Variants in NRXN3 observed in about 807,000 individuals in gnomAD.
NRXN3 encodes neurexin 3.
A neutral mutation model predicts 137.6 loss-of-function variants in NRXN3; 32 were observed. The observed-to-expected ratio is 0.23, with a 90% CI of 0.18 to 0.31. NRXN3 has a LOEUF of 0.31. Among genes scored for constraint, NRXN3 ranks in the 10% least tolerant of loss-of-function variants. NRXN3 has a pLI of 1.00. For synonymous variants in NRXN3, 798 were observed against 784.5 expected (o/e 1.02, Z -0.29); for missense variants, 1,574 against 2,062.5 (o/e 0.76, Z 4.59).
At chr14:79,540,387 G>A (rs376076350) in intron 16 of NRXN3, among the ~76,000 whole-genome samples, 6 of 152,062 alleles carry the variant, frequency 3.9e-5, no homozygotes, top group South Asian at 2.1e-4. Context: ...TGTGTTTAGC[G>A]TATTCATCAC....
At chr14:79,487,786 G>A (rs559266598) in intron 16 of NRXN3, among the ~76,000 whole-genome samples, 18 of 152,076 alleles carry the variant, frequency 1.2e-4, no homozygotes, top group Non-Finnish European at 2.4e-4. Flanking sequence ...TCCAGCTTTC[G>A]GTATCAGGGA....
intron 19 of NRXN3, among the ~76,000 whole-genome samples, chr14:79,748,150 C>T (rs1319712003): frequency 1.3e-5 from 2 of 151,840 alleles, no homozygotes; most frequent in Non-Finnish European, 2.9e-5. Flanking sequence ...ACTTGTTTAC[C>T]TACGTAACAA....
chr14:78,725,903 A>T (rs2152883462), intron 8 of NRXN3, among the ~76,000 whole-genome samples: 1 of 152,336 alleles, frequency 6.6e-6, no homozygotes, highest in South Asian at 2.1e-4. Context: ...CAATAACTAC[A>T]TAAGATATGT....
chr14:78,576,779 G>A (rs148509680), intron 4 of NRXN3, among the ~76,000 whole-genome samples: 3 of 152,152 alleles, frequency 2.0e-5, no homozygotes, highest in Admixed American at 1.3e-4. Context: ...CAAAGGGAAG[G>A]GTGAAAACTT....
rs887098933 is a variant in NRXN3 at position 79,574,985 on chromosome 14, A to G, written c.3445-88793A>G. Among the ~76,000 whole-genome samples the G allele has an allele frequency of 6.6e-5, 10 of 152,176 alleles. No individual in the cohort carries two copies. In the East Asian group the frequency reaches 1.7e-3, roughly 26 times the overall value. ...AATGGATTATACAGCACGTGTCACC[A>G]CTGCATTCTCTTTTTTATGTTGTTC... On this transcript the variant is annotated intron_variant, in intron 16 of 20. Coordinates refer to ENST00000335750, the MANE Select transcript of NRXN3 (RefSeq NM_001330195.2).
chr14:78,527,775 C>T (rs1215358129), intron 4 of NRXN3, among the ~76,000 whole-genome samples: 4 of 152,166 alleles, frequency 2.6e-5, no homozygotes, highest in Non-Finnish European at 5.9e-5. Flanking sequence ...CTAATAGTGA[C>T]TGTGTTGATT....
chr14:78,742,543 T>C (rs2098582698), intron 8 of NRXN3, among the ~76,000 whole-genome samples: 1 of 152,196 alleles, frequency 6.6e-6, no homozygotes, highest in African/African-American at 2.4e-5. Context: ...TTAAAGAGTG[T>C]TTCTATTAGC....
intron 15 of NRXN3, among the ~76,000 whole-genome samples, chr14:79,426,240 A>G (rs1381225240): frequency 2.0e-5 from 3 of 152,190 alleles, no homozygotes; most frequent in Non-Finnish European, 4.4e-5. Context: ...GGCCAGCTGC[A>G]GCGCTACCAT....
At chr14:78,740,211 A>G (rs1300710731) in intron 8 of NRXN3, among the ~76,000 whole-genome samples, 1 of 152,126 alleles carries the variant, frequency 6.6e-6, no homozygotes, top group Non-Finnish European at 1.5e-5. Context: ...TTGCTTTTCT[A>G]TTAGAAACCA....
chr14:78,840,765 C>T (rs1195087132), intron 10 of NRXN3, among the ~76,000 whole-genome samples: 6 of 152,066 alleles, frequency 3.9e-5, no homozygotes, highest in South Asian at 2.1e-4. Flanking sequence ...GCAAGCCACA[C>T]GGTAATGCAT....
intron 15 of NRXN3, among the ~76,000 whole-genome samples, chr14:79,145,866 T>G (rs1210936074): frequency 6.6e-6 from 1 of 152,166 alleles, no homozygotes; most frequent in African/African-American, 2.4e-5. Flanking sequence ...ACATCCAAGA[T>G]TTATTAATAC....
chr14:78,271,022 A>G (rs1474737277), intron 2 of NRXN3, among the ~76,000 whole-genome samples: 2 of 152,196 alleles, frequency 1.3e-5, no homozygotes, highest in Non-Finnish European at 2.9e-5. Context: ...CCCACCCCAC[A>G]AATGATGTTT....
chr14:79,562,650 A>T (rs1489531147), intron 16 of NRXN3, among the ~76,000 whole-genome samples: 2 of 152,224 alleles, frequency 1.3e-5, no homozygotes, highest in African/African-American at 4.8e-5. Context: ...ACTGATTTCC[A>T]TGTAAATATC....
intron 15 of NRXN3, among the ~76,000 whole-genome samples, chr14:79,091,370 A>G (rs1387561024): frequency 6.6e-6 from 1 of 152,184 alleles, no homozygotes; most frequent in African/African-American, 2.4e-5. Flanking sequence ...ACCTGTATGT[A>G]AAAATCAAGA....
Position 78,398,367 on chromosome 14 carries a change from T to C in NRXN3, c.757+100507T>C, listed in dbSNP as rs371568436. 3.7e-4 allele frequency among the ~76,000 whole-genome samples: 57 copies of C among 152,284 alleles called. No homozygotes were observed. In the South Asian group the frequency reaches 0.011, roughly 30 times the overall value. On this transcript the variant is annotated intron_variant, in intron 4 of 20. Coordinates refer to ENST00000335750, the MANE Select transcript of NRXN3 (RefSeq NM_001330195.2). ...GAAACCTGGACACTTTGGTTATTAT[T>C]TTGAGACTCTGGGTCTTATTTAAAC...
intron 16 of NRXN3, among the ~76,000 whole-genome samples, chr14:79,638,178 C>T (rs1482796115): frequency 2.0e-5 from 3 of 152,170 alleles, no homozygotes; most frequent in Non-Finnish European, 2.9e-5. Context: ...TGGTTTATAA[C>T]ATGCTGTAAG....
chr14:78,316,632 A>G lies in NRXN3; in HGVS notation c.757+18772A>G, dbSNP rs117675880. Among the ~76,000 whole-genome samples the G allele has an allele frequency of 4.7e-4, 72 of 152,336 alleles. 1 individual carries two copies. In the East Asian group the frequency reaches 0.014, roughly 29 times the overall value. On this transcript the variant is annotated intron_variant, in intron 4 of 20. Coordinates refer to ENST00000335750, the MANE Select transcript of NRXN3 (RefSeq NM_001330195.2). ...GTGAGACATTCCCTTTCTTCCCAGC[A>G]GAGAATGATTTATTTATTTGATATG...
chr14:78,514,579 A>G (rs957822183), intron 4 of NRXN3, among the ~76,000 whole-genome samples: 6 of 152,208 alleles, frequency 3.9e-5, no homozygotes, highest in African/African-American at 9.6e-5. Flanking sequence ...AATTCAATTT[A>G]TTAAGAACAT....
At chr14:79,229,112 T>C (rs1409446485) in intron 15 of NRXN3, among the ~76,000 whole-genome samples, 1 of 152,170 alleles carries the variant, frequency 6.6e-6, no homozygotes, top group African/African-American at 2.4e-5. Flanking sequence ...TCCATCATAG[T>C]CTTTTTTTCC....
Sources: allele counts gnomAD v4.1 joint callset (sites outside exome capture counted in the v4.1 genomes callset), GRCh38; gene constraint gnomAD v4.1.1; transcripts MANE v1.5; gene names NCBI Gene and HGNC (gene_info 2026-07-23, HGNC 2026-07-21).